The following ARHGAP18 variants were observed in gnomAD, a reference collection of about 807,000 sequenced individuals.
The protein encoded by ARHGAP18 is Rho GTPase activating protein 18, also known as rho GTPase-activating protein 18.
A neutral mutation model predicts 86.2 loss-of-function variants in ARHGAP18; 67 were observed. That is an observed-to-expected ratio of 0.78 (90% CI 0.64 to 0.95). ARHGAP18 has a LOEUF of 0.95. ARHGAP18 is among the 40% of genes least tolerant of loss of function. The pLI is 0.00. For missense variants in ARHGAP18, 691 were observed against 780.4 expected (o/e 0.89, Z 1.37); for synonymous variants, 283 against 280.4 (o/e 1.01, Z -0.09).
chr6:129,638,466 C>T lies in ARHGAP18; in HGVS notation c.480G>A (p.Arg160=), dbSNP rs758810786. The T allele has an allele frequency of 2.5e-6, 4 of 1,613,254 alleles. No homozygotes were observed. The African/African-American group carries it at 4.0e-5, about 16-fold the overall frequency. Residue 160 remains arginine, a synonymous_variant, in exon 3 of 15, where the codon AGG becomes AGA. Coordinates refer to ENST00000368149, the MANE Select transcript of ARHGAP18 (RefSeq NM_033515.3). ...KRVETVSQTL[R]KKNKQYQIPD... is the part of the protein sequence containing the mutation. ...GAATCTGGTACTGTTTGTTTTTTTT[C>T]CTCAAGGTCTGGGAGACCGTCTCTA... is the stretch of plus-strand genomic sequence containing the variant.
At chr6:129,685,689 T>G (rs1774411231) in intron 1 of ARHGAP18, among the ~76,000 whole-genome samples, 1 of 152,122 alleles carries the variant, frequency 6.6e-6, no homozygotes, top group South Asian at 2.1e-4. Context: ...ATGCAACCAT[T>G]AAATGTGCTG....
intron 1 of ARHGAP18, among the ~76,000 whole-genome samples, chr6:129,667,900 C>G (rs566974130): frequency 6.6e-6 from 1 of 152,050 alleles, no homozygotes; most frequent in Non-Finnish European, 1.5e-5. Flanking sequence ...AATGGAAAAG[C>G]AAGGGAAGAA....
chr6:129,615,479 A>C (rs1181199065), intron 7 of ARHGAP18, among the ~76,000 whole-genome samples: 1 of 152,220 alleles, frequency 6.6e-6, no homozygotes, highest in Admixed American at 6.5e-5. Flanking sequence ...GAGCCTTAGT[A>C]CTGGATGAGT....
intron 1 of ARHGAP18, among the ~76,000 whole-genome samples, chr6:129,689,167 C>G (rs1461945379): frequency 2.6e-5 from 4 of 152,142 alleles, no homozygotes; most frequent in African/African-American, 9.7e-5. Flanking sequence ...CATTTGGGAA[C>G]AAACTTACCA....
intron 1 of ARHGAP18, among the ~76,000 whole-genome samples, chr6:129,673,222 C>T (rs148446516): frequency 0.016 from 2,384 of 152,214 alleles, 79 homozygotes; most frequent in African/African-American, 0.054. Context: ...TTGTTTGCTA[C>T]GTATTTTCAT....
chr6:129,644,896 T>G (rs188761359), intron 1 of ARHGAP18, among the ~76,000 whole-genome samples: 19 of 152,342 alleles, frequency 1.2e-4, no homozygotes, highest in Non-Finnish European at 2.6e-4. Flanking sequence ...AATAGCTTAG[T>G]GCTGATGAAT....
intron 1 of ARHGAP18, among the ~76,000 whole-genome samples, chr6:129,674,667 A>G (rs1214542155): frequency 6.6e-6 from 1 of 152,232 alleles, no homozygotes; most frequent in Non-Finnish European, 1.5e-5. Context: ...TAAACTATAC[A>G]GGAGGATGTG....
At chr6:129,695,709 A>C (rs773348145) in intron 1 of ARHGAP18, among the ~76,000 whole-genome samples, 2 of 152,232 alleles carry the variant, frequency 1.3e-5, no homozygotes, top group Non-Finnish European at 2.9e-5. Flanking sequence ...ATTTCTACAG[A>C]CAAATGATTT....
At chr6:129,625,843 TATTA>T (rs1225787131) in intron 5 of ARHGAP18, among the ~76,000 whole-genome samples, 1 of 86,266 alleles carries the variant, frequency 1.2e-5, no homozygotes, top group Non-Finnish European at 2.1e-5. Flanking sequence ...TACATTTATA[TATTA>T]TATATTATAT....
At chr6:129,696,649 CATGAGGCATTTATGTTCGTG>C (rs1254449078) in intron 1 of ARHGAP18, among the ~76,000 whole-genome samples, 1 of 152,184 alleles carries the variant, frequency 6.6e-6, no homozygotes, top group Non-Finnish European at 1.5e-5. Context: ...CGGGCCCCTG[CATGAGGCATTTATGTTCGTG>C]ATGAACGAAA....
intron 1 of ARHGAP18, among the ~76,000 whole-genome samples, chr6:129,688,268 C>G (rs2114544226): frequency 6.6e-6 from 1 of 152,296 alleles, no homozygotes; most frequent in East Asian, 1.9e-4. Flanking sequence ...ACTGCTCCAG[C>G]AAGATGAAAC....
chr6:129,589,391 CA>C (rs1788465980), intron 12 of ARHGAP18, among the ~76,000 whole-genome samples: 1 of 152,178 alleles, frequency 6.6e-6, no homozygotes, highest in Admixed American at 6.5e-5. Flanking sequence ...TAAAGTATAG[CA>C]AGAATCACCC....
At chr6:129,677,392 CAA>C (rs112446982) in intron 1 of ARHGAP18, among the ~76,000 whole-genome samples, 15 of 139,366 alleles carry the variant, frequency 1.1e-4, no homozygotes, top group African/African-American at 2.8e-4. Context: ...GACTCCGTCT[CAA>C]AAAAAAAAAA....
At chr6:129,629,797 C>T (rs1229560268) in intron 4 of ARHGAP18, among the ~76,000 whole-genome samples, 1 of 152,026 alleles carries the variant, frequency 6.6e-6, no homozygotes, top group Non-Finnish European at 1.5e-5. Flanking sequence ...CAAAACATTG[C>T]TGGAAGATAG....
chr6:129,663,312 C>G (rs547876510), intron 1 of ARHGAP18, among the ~76,000 whole-genome samples: 1 of 152,328 alleles, frequency 6.6e-6, no homozygotes, highest in South Asian at 2.1e-4. Context: ...TATCAATGTG[C>G]TCAAAGACAT....
chr6:129,580,881 GA>G (rs907039552), intron 13 of ARHGAP18, among the ~76,000 whole-genome samples: 20 of 146,190 alleles, frequency 1.4e-4, no homozygotes, highest in Admixed American at 6.8e-4. Flanking sequence ...TCTCCAAAAA[GA>G]AAAAAAAAAG....
chr6:129,611,184 G>A (rs1788971127), intron 8 of ARHGAP18, among the ~76,000 whole-genome samples: 1 of 152,180 alleles, frequency 6.6e-6, no homozygotes, highest in African/African-American at 2.4e-5. Context: ...TTACAGGTGT[G>A]AACCACCACG....
At chr6:129,591,487 C>T (rs985809966) in intron 12 of ARHGAP18, among the ~76,000 whole-genome samples, 2 of 152,194 alleles carry the variant, frequency 1.3e-5, no homozygotes, top group Admixed American at 6.5e-5. Context: ...CTTATGCATG[C>T]TAAGATTATT....
At chr6:129,578,991 A>T (rs914020792) in intron 14 of ARHGAP18, among the ~76,000 whole-genome samples, 1 of 152,102 alleles carries the variant, frequency 6.6e-6, no homozygotes, top group Non-Finnish European at 1.5e-5. Context: ...TAATAATAAA[A>T]AAAAAACTTC....
Sources: allele counts gnomAD v4.1 joint callset (sites outside exome capture counted in the v4.1 genomes callset), GRCh38; gene constraint gnomAD v4.1.1; transcripts MANE v1.5; gene names NCBI Gene and HGNC (gene_info 2026-07-23, HGNC 2026-07-21).